The following RELN variants were observed in gnomAD, a reference collection of about 807,000 sequenced individuals.
RELN encodes reelin.
A neutral mutation model predicts 427.6 loss-of-function variants in RELN; 108 were observed. The observed-to-expected ratio is 0.25, with a 90% CI of 0.22 to 0.30. The LOEUF (loss-of-function observed/expected upper bound fraction) is 0.30, where lower values mean the gene tolerates loss of function less well. Among genes scored for constraint, RELN ranks in the 10% least tolerant of loss-of-function variants. The probability of loss-of-function intolerance (pLI) is 1.00; values close to 1 mark genes in which losing one functional copy is unlikely to be tolerated. For missense variants in RELN, 3,715 were observed against 4,302.8 expected (o/e 0.86, Z 3.82); for synonymous variants, 1,524 against 1,513.4 (o/e 1.01, Z -0.16).
intron 1 of RELN, among the ~76,000 whole-genome samples, chr7:103,929,387 ACCTTCTTTCGAATAGCTAGACTTTC>A (rs1405184185): frequency 6.6e-6 from 1 of 152,192 alleles, no homozygotes; most frequent in African/African-American, 2.4e-5. Context: ...AAGGTGAATA[ACCTTCTTTCGAATAGCTAGACTTTC>A]CCACCACCAA....
At chr7:103,852,643 G>T (rs1259380714) in intron 2 of RELN, among the ~76,000 whole-genome samples, 2 of 151,918 alleles carry the variant, frequency 1.3e-5, no homozygotes, top group African/African-American at 4.8e-5. Context: ...TTCTGGCAAA[G>T]AAACTTCATT....
intron 1 of RELN, among the ~76,000 whole-genome samples, chr7:103,977,530 T>A (rs1459102574): frequency 6.6e-6 from 1 of 152,050 alleles, no homozygotes; most frequent in Non-Finnish European, 1.5e-5. Flanking sequence ...AATTCCACCC[T>A]ACCCCTGCTA....
chr7:103,860,283 TA>T (rs1794041949), intron 2 of RELN, among the ~76,000 whole-genome samples: 1 of 152,206 alleles, frequency 6.6e-6, no homozygotes, highest in Admixed American at 6.5e-5. Context: ...TTTTTTACTA[TA>T]TTCCCTAAGG....
At chr7:103,520,267 T>G (rs750949878) in intron 48 of RELN, among the ~76,000 whole-genome samples, 2 of 152,104 alleles carry the variant, frequency 1.3e-5, no homozygotes, top group Non-Finnish European at 2.9e-5. Context: ...AAATAGCATA[T>G]TGAGATGACC....
intron 1 of RELN, among the ~76,000 whole-genome samples, chr7:103,929,248 G>A (rs1028827919): frequency 2.0e-5 from 3 of 152,148 alleles, no homozygotes; most frequent in African/African-American, 7.2e-5. Context: ...TCAGCATAAT[G>A]GCTGAAGAAC....
chr7:103,787,331 A>G (rs1792042616), intron 3 of RELN, among the ~76,000 whole-genome samples: 1 of 152,142 alleles, frequency 6.6e-6, no homozygotes, highest in African/African-American at 2.4e-5. Flanking sequence ...AACAGAAGAC[A>G]AGAAATAACT....
At chr7:103,791,646 G>A (rs1234310905) in intron 3 of RELN, among the ~76,000 whole-genome samples, 3 of 151,704 alleles carry the variant, frequency 2.0e-5, no homozygotes, top group African/African-American at 4.8e-5. Context: ...GAAAACATAG[G>A]GATAAATCTT....
chr7:103,685,777 T>TA (rs1441294072), intron 10 of RELN, among the ~76,000 whole-genome samples: 1 of 152,128 alleles, frequency 6.6e-6, no homozygotes, highest in Non-Finnish European at 1.5e-5. Flanking sequence ...ACTTTGCCAC[T>TA]AAATGGATTT....
At chr7:103,561,756 C>G in intron 35 of RELN, 47 bp from the exon 36 acceptor site, 1 of 1,611,570 alleles carries the variant, frequency 6.2e-7, no homozygotes, top group South Asian at 1.1e-5. Context: ...ACACGTTCAA[C>G]AAGCCATATT....
In RELN at chr7:103,575,574, A is replaced by G; in HGVS notation, c.4277T>C (p.Val1426Ala). Residue 1426 changes from valine to alanine, a missense_variant, in exon 29 of 65, where the codon GTG (valine) becomes GCG (alanine). By Grantham distance (64) the Val-to-Ala change is moderately conservative. This residue lies in a region of RELN where 2,208 missense variants were observed against 2,361.7 expected (regional missense o/e 0.93). Coordinates refer to ENST00000428762, the MANE Select transcript of RELN (RefSeq NM_005045.4). ...AGTATATCCCAGGTCACAGAAACAC[A>G]CTCCTGAAATGCAGTCCCCATGGCC... ...CSGHGDCISG[V>A]CFCDLGYTAA... 1.2e-6 allele frequency: 2 copies of G among 1,614,040 alleles called. No individual in the cohort carries two copies. The highest frequency in any genetic ancestry group is 1.7e-6 in the Non-Finnish European group (2 of 1,179,990).
intron 1 of RELN, among the ~76,000 whole-genome samples, chr7:103,955,983 T>C (rs1796424642): frequency 6.6e-6 from 1 of 152,236 alleles, no homozygotes; most frequent in South Asian, 2.1e-4. Context: ...ACTATGTCTT[T>C]GGGTTCATCC....
chr7:103,840,415 C>T (rs1793524856), intron 2 of RELN, among the ~76,000 whole-genome samples: 1 of 152,236 alleles, frequency 6.6e-6, no homozygotes, highest in African/African-American at 2.4e-5. Context: ...TTACACACTA[C>T]TGTATGACCT....
rs1795285228 is a variant in RELN, at chr7:103,909,274, G to C, written c.337+7801C>G. Among the ~76,000 whole-genome samples, 6 of 152,054 alleles carry C rather than the reference G, an allele frequency of 3.9e-5. No homozygotes were observed. The South Asian group carries it at 1.2e-3, about 32-fold the overall frequency. On this transcript the variant is annotated intron_variant, in intron 2 of 64. Coordinates refer to ENST00000428762, the MANE Select transcript of RELN (RefSeq NM_005045.4). ...GGCGATAATTAGCAAGTTTGTAATA[G>C]GTTCTACTTAGTCTTAATGTGAAGG...
rs751328034 is a variant in RELN at position 103,472,655 on chromosome 7, T to C, written c.*157A>G. The C allele has an allele frequency of 3.1e-6, 2 of 649,090 alleles. No homozygotes were observed. Among genetic ancestry groups the C allele is most frequent in the Non-Finnish European group, 5.6e-6 (2 of 356,908 alleles). 40.2% of individuals were successfully genotyped at this position (649,090 alleles called of 1,614,324 possible). A position where few individuals can be genotyped will look rare whatever the true frequency, so the allele number is the denominator to read the frequency against. On this transcript the variant is annotated 3_prime_UTR_variant, in exon 65 of 65. Transcript: ENST00000428762. ...TAAGTCACTTGTCATTAGTTCACAG[T>C]GTGGGAAAGTGGTGTACACTCGGTC...
rs139308001 is a variant in RELN at position 103,488,324 on chromosome 7, G to A, written c.9763+1418C>T. On this transcript the variant is annotated intron_variant, in intron 60 of 64. Coordinates refer to ENST00000428762, the MANE Select transcript of RELN (RefSeq NM_005045.4). Reference sequence around the variant, plus strand: ...TTTAAACAGTACATTTTTTCTACATGTCCTTAATAGTTTCAAATTAAGGTT... The same window carrying A: ...TTTAAACAGTACATTTTTTCTACATATCCTTAATAGTTTCAAATTAAGGTT... Among the ~76,000 whole-genome samples the A allele has an allele frequency of 3.2e-3, 491 of 152,218 alleles. 2 individuals carry two copies. The highest frequency in any genetic ancestry group is 0.011 in the African/African-American group (441 of 41,526).
intron 11 of RELN, among the ~76,000 whole-genome samples, chr7:103,670,001 G>C (rs569823992): frequency 6.6e-6 from 1 of 152,176 alleles, no homozygotes; most frequent in East Asian, 1.9e-4. Flanking sequence ...AGATAGCAAG[G>C]TCACAATAAT....
At chr7:103,545,447 C>A (rs1211251124) in intron 41 of RELN, 103 bp from the exon 42 acceptor site, 11 of 778,142 alleles carry the variant, frequency 1.4e-5, no homozygotes, top group Non-Finnish European at 2.2e-5. Context: ...TACCTATGCT[C>A]AACACCCAAG....
chr7:103,526,904 A>G (rs919076066), intron 46 of RELN, among the ~76,000 whole-genome samples: 6 of 152,042 alleles, frequency 3.9e-5, no homozygotes, highest in African/African-American at 1.5e-4. Context: ...GAGTTGGGGG[A>G]AAAATGGTCC....
At chr7:103,881,945 C>A (rs1385401814) in intron 2 of RELN, among the ~76,000 whole-genome samples, 1 of 152,130 alleles carries the variant, frequency 6.6e-6, no homozygotes, top group African/African-American at 2.4e-5. Context: ...GTATTAAAAC[C>A]AATGCATCCC....
Sources: allele counts gnomAD v4.1 joint callset (sites outside exome capture counted in the v4.1 genomes callset), GRCh38; gene constraint gnomAD v4.1.1; regional missense constraint gnomAD v4.1.1; transcripts MANE v1.5; gene names NCBI Gene and HGNC (gene_info 2026-07-23, HGNC 2026-07-21).